Variants in GPC6 observed in about 807,000 individuals in gnomAD.
GPC6 encodes the protein glypican 6.
Under a neutral mutation model 55.2 loss-of-function variants are expected in GPC6, and 14 were observed. That is an observed-to-expected ratio of 0.25 (90% CI 0.17 to 0.40). GPC6 has a LOEUF of 0.40. GPC6 is among the 10% of genes least tolerant of loss of function. The pLI, the probability that GPC6 is intolerant of heterozygous loss-of-function variation, is 1.00. For synonymous variants in GPC6, 278 were observed against 259.6 expected, an observed-to-expected ratio of 1.07 and a Z score of -0.68; for missense variants, 641 against 708.5, an observed-to-expected ratio of 0.90 and a Z score of 1.08.
intron 3 of GPC6, among the ~76,000 whole-genome samples, chr13:93,863,330 C>A (rs1888869989): frequency 6.6e-6 from 1 of 151,544 alleles, no homozygotes; most frequent in South Asian, 2.1e-4. Flanking sequence ...GACCATATGG[C>A]CTACAAAGTA....
At chr13:93,752,103 G>T (rs987377365) in intron 2 of GPC6, among the ~76,000 whole-genome samples, 4 of 152,080 alleles carry the variant, frequency 2.6e-5, no homozygotes, top group African/African-American at 9.7e-5. Context: ...GTAATGTTGT[G>T]ATTTGGATTC....
intron 2 of GPC6, among the ~76,000 whole-genome samples, chr13:93,815,425 T>A (rs1262018700): frequency 1.3e-5 from 2 of 152,172 alleles, no homozygotes; most frequent in African/African-American, 4.8e-5. Flanking sequence ...TTATCTAGAA[T>A]TTAATATAAT....
intron 3 of GPC6, among the ~76,000 whole-genome samples, chr13:93,949,799 C>T (rs1185477085): frequency 6.6e-6 from 1 of 152,260 alleles, no homozygotes; most frequent in East Asian, 1.9e-4. Flanking sequence ...GCGATCATGG[C>T]TCACTGCAAC....
chr13:93,377,352 C>T (rs921240841), intron 1 of GPC6, among the ~76,000 whole-genome samples: 1 of 152,204 alleles, frequency 6.6e-6, no homozygotes, highest in African/African-American at 2.4e-5. Context: ...ACGAGACACA[C>T]ATGTGCAAGA....
intron 4 of GPC6, among the ~76,000 whole-genome samples, chr13:94,280,027 A>T (rs1423517544): frequency 6.6e-6 from 1 of 152,124 alleles, no homozygotes; most frequent in Non-Finnish European, 1.5e-5. Context: ...TGATCTGTCT[A>T]ATATTGACTG....
At chr13:94,308,063 T>A (rs1030004623) in intron 6 of GPC6, among the ~76,000 whole-genome samples, 48 of 152,242 alleles carry the variant, frequency 3.2e-4, no homozygotes, top group African/African-American at 1.1e-3. Flanking sequence ...AAATAAGAAG[T>A]TTTAAAAGAA....
Position 93,746,493 on chromosome 13 carries a change from C to T in GPC6, c.320-83661C>T, listed in dbSNP as rs566544628. Among the ~76,000 whole-genome samples the T allele has an allele frequency of 5.4e-4, 82 of 152,086 alleles. 1 individual carries two copies. Among genetic ancestry groups the T allele is most frequent in the African/African-American group, 1.6e-3 (68 of 41,494 alleles). On this transcript the variant is annotated intron_variant, in intron 2 of 8. Transcript: ENST00000377047. ...TTTCTTAATCTACCACTCAGAGAAC[C>T]CTAGAGCATCAAAAAATGTGAGCAA...
chr13:93,320,350 T>G (rs1879393253), intron 1 of GPC6, among the ~76,000 whole-genome samples: 1 of 151,930 alleles, frequency 6.6e-6, no homozygotes, highest in South Asian at 2.1e-4. Flanking sequence ...AGTGATTCCC[T>G]TATATATATA....
At chr13:93,825,286 A>C (rs917601491) in intron 2 of GPC6, among the ~76,000 whole-genome samples, 1 of 152,190 alleles carries the variant, frequency 6.6e-6, no homozygotes, top group Non-Finnish European at 1.5e-5. Flanking sequence ...AATAATTTAC[A>C]ATATACAGCA....
In GPC6 at chr13:93,595,702, C is replaced by T. The variant is rs145835879; in HGVS notation, c.319+50281C>T. ...TGCCTGAATGAAACTATTTTTCTTT[C>T]TCAAACTGTGAACATAATATCCTAT... On this transcript the variant is annotated intron_variant, in intron 2 of 8. Transcript: ENST00000377047. Among the ~76,000 whole-genome samples the T allele has an allele frequency of 4.5e-3, 683 of 152,198 alleles. 3 individuals are homozygous for T. The highest frequency in any genetic ancestry group is 0.02 in the Middle Eastern group (6 of 294).
At chr13:93,935,989 TAAC>T in intron 3 of GPC6, among the ~76,000 whole-genome samples, 1 of 152,234 alleles carries the variant, frequency 6.6e-6, no homozygotes, top group Non-Finnish European at 1.5e-5. Context: ...ATGATAAACT[TAAC>T]AATATTAAAG....
At chr13:94,103,130 T>C (rs534219944) in intron 4 of GPC6, among the ~76,000 whole-genome samples, 3 of 152,274 alleles carry the variant, frequency 2.0e-5, no homozygotes, top group African/African-American at 7.2e-5. Flanking sequence ...AGTGAGAACA[T>C]GTGGTGTTTG....
chr13:93,889,664 A>C (rs890996803), intron 3 of GPC6, among the ~76,000 whole-genome samples: 1 of 152,068 alleles, frequency 6.6e-6, no homozygotes, highest in East Asian at 1.9e-4. Flanking sequence ...TTTTCCATTG[A>C]GCACCTGTTT....
At chr13:94,197,070 C>G (rs1426116612) in intron 4 of GPC6, among the ~76,000 whole-genome samples, 1 of 151,936 alleles carries the variant, frequency 6.6e-6, no homozygotes, top group African/African-American at 2.4e-5. Context: ...CTCTTTGGGC[C>G]TCATGTATGA....
At chr13:94,178,802 T>A (rs188941725) in intron 4 of GPC6, among the ~76,000 whole-genome samples, 59 of 152,292 alleles carry the variant, frequency 3.9e-4, no homozygotes, top group Admixed American at 1.2e-3. Context: ...GCCAAGCAAA[T>A]ATTTGGTCTG....
At chr13:94,343,515 C>G (rs1878141509) in intron 6 of GPC6, among the ~76,000 whole-genome samples, 1 of 152,160 alleles carries the variant, frequency 6.6e-6, no homozygotes, top group Admixed American at 6.5e-5. Flanking sequence ...CCTTTCACGT[C>G]AGCATCCTCC....
intron 6 of GPC6, among the ~76,000 whole-genome samples, chr13:94,362,284 C>T (rs925609060): frequency 6.6e-6 from 1 of 152,158 alleles, no homozygotes; most frequent in African/African-American, 2.4e-5. Context: ...CTATATTCAT[C>T]ATGTAGCTTT....
At chr13:93,736,638 G>T (rs1349323718) in intron 2 of GPC6, among the ~76,000 whole-genome samples, 3 of 152,072 alleles carry the variant, frequency 2.0e-5, no homozygotes, top group African/African-American at 4.8e-5. Context: ...TAAATTAAAT[G>T]TCTGATGCTT....
At chr13:94,034,200 A>AGAAGGAAGGAAGGAAGGAAG (rs575821539) in intron 4 of GPC6, among the ~76,000 whole-genome samples, 20 of 72,728 alleles carry the variant, frequency 2.7e-4, no homozygotes, top group South Asian at 1.0e-3. Flanking sequence ...AAAGAAAGAA[A>AGAAGGAAGGAAGGAAGGAAG]GAAGGAAGGA....
Sources: gnomAD v4.1 joint callset for allele counts (sites outside exome capture counted in the v4.1 genomes callset) on GRCh38, gnomAD v4.1.1 for gene constraint, MANE v1.5 for transcripts, NCBI Gene and HGNC (gene_info 2026-07-23, HGNC 2026-07-21) for gene names.